HACL1: variants seen among roughly 807,000 people sequenced by gnomAD.
HACL1 encodes 2-hydroxyacyl-CoA lyase 1.
HACL1 carries 64 observed loss-of-function variants against 74.2 expected under a neutral mutation model. The observed-to-expected ratio is 0.86, with a 90% confidence interval of 0.70 to 1.06. HACL1 has a LOEUF of 1.06. Among genes scored for constraint, HACL1 ranks in the 50% least tolerant of loss-of-function variants. The pLI is 0.00. For missense variants in HACL1, 728 were observed against 719.7 expected (o/e 1.01, Z -0.13); for synonymous variants, 230 against 238.8 (o/e 0.96, Z 0.34).
chr3:15,573,343 T>C, intron 10 of HACL1, 101 bp from the exon 11 acceptor site: 3 of 675,004 alleles, frequency 4.4e-6, no homozygotes, highest in South Asian at 1.8e-5. Flanking sequence ...ATAGAACACA[T>C]GATAAAGAAG....
rs529324509 is a variant in HACL1, at chr3:15,571,839, T to C, written c.994-70A>G. 143 of 618,668 alleles carry C rather than the reference T, an allele frequency of 2.3e-4. No individual in the cohort carries two copies. The Admixed American group carries it at 3.3e-3, about 14-fold the overall frequency. The allele number at this position is 618,668 out of a possible 1,614,324, so 38.3% of individuals were successfully genotyped here. ...CTTTGCCTTTTTTTTCTTTTTTTTTTTTTTTTTTTTTTTTTTTTGAGACGA... is the reference window on the plus strand; with the variant it reads ...CTTTGCCTTTTTTTTCTTTTTTTTTCTTTTTTTTTTTTTTTTTTGAGACGA... On this transcript the variant is annotated intron_variant, in intron 11 of 16. Coordinates refer to ENST00000321169, the MANE Select transcript of HACL1 (RefSeq NM_012260.4).
At position 15,591,683 on chromosome 3, in the gene HACL1, A is replaced by G; in HGVS notation, c.228-3T>C. On this transcript the variant is annotated splice_region_variant and splice_polypyrimidine_tract_variant and intron_variant, in intron 3 of 16. Transcript: ENST00000321169. ...AAACAACAAGGCAGACTCCTGGCCT[A>G]AAAGCAAAACAGAATTTATTAAAAT... 1 of 1,601,242 alleles carries G rather than the reference A, an allele frequency of 6.2e-7. No individual in the cohort carries two copies. The highest frequency in any genetic ancestry group is 8.6e-7 in the Non-Finnish European group (1 of 1,169,554).
intron 4 of HACL1, among the ~76,000 whole-genome samples, chr3:15,590,155 C>T (rs1303481215): frequency 1.3e-5 from 2 of 152,064 alleles, no homozygotes; most frequent in Admixed American, 6.6e-5. Flanking sequence ...CCCTTCTTCC[C>T]CTTCCCCTTT....
At chr3:15,571,829 CTTTTTTTTTTTTTTTTTTTTT>C (rs869072841) in intron 11 of HACL1, 60 bp from the exon 12 acceptor site, 2 of 226,186 alleles carry the variant, frequency 8.8e-6, no homozygotes, top group African/African-American at 4.7e-5. Flanking sequence ...CCTTTTTTTT[CTTTTTTTTTTTTTTTTTTTTT>C]TTTTTTTGAG....
intron 16 of HACL1, among the ~76,000 whole-genome samples, chr3:15,561,189 G>GAGAT: frequency 6.6e-6 from 1 of 152,238 alleles, no homozygotes. Flanking sequence ...AAGGAGAAGG[G>GAGAT]AGATGAAGGA....
chr3:15,578,618 A>C (rs892190327), intron 9 of HACL1, among the ~76,000 whole-genome samples: 14 of 152,178 alleles, frequency 9.2e-5, no homozygotes, highest in African/African-American at 3.1e-4. Flanking sequence ...TATGGGGGGA[A>C]ATGTCAGATT....
chr3:15,580,118 G>T, intron 8 of HACL1, 73 bp from the exon 9 acceptor site: 2 of 1,223,976 alleles, frequency 1.6e-6, no homozygotes, highest in Non-Finnish European at 1.2e-6. Context: ...AAGTTCATGT[G>T]AAATTGCTTT....
chr3:15,565,151 C>T (rs1488402886), intron 14 of HACL1, among the ~76,000 whole-genome samples: 1 of 148,750 alleles, frequency 6.7e-6, no homozygotes, highest in Non-Finnish European at 1.5e-5. Context: ...GGTAACAGAG[C>T]AAGACTCCAT....
chr3:15,578,321 A>C (rs2063661320), intron 9 of HACL1, among the ~76,000 whole-genome samples: 1 of 152,112 alleles, frequency 6.6e-6, no homozygotes, highest in Non-Finnish European at 1.5e-5. Flanking sequence ...AGAATATTTC[A>C]TAATAAAGAC....
At chr3:15,592,479 C>CATACACTTGTATACATATACACTTGTAT (rs2063949250) in intron 3 of HACL1, among the ~76,000 whole-genome samples, 1 of 10,654 alleles carries the variant, frequency 9.4e-5, no homozygotes, top group Admixed American at 8.7e-4. Flanking sequence ...CACACGTATA[C>CATACACTTGTATACATATACACTTGTAT]ATACACTTGT....
At chr3:15,564,529 G>T in intron 15 of HACL1, 22 bp downstream of exon 15, 1 of 973,104 alleles carries the variant, frequency 1.0e-6, no homozygotes, top group South Asian at 1.4e-5. Context: ...AAAGTAAACA[G>T]ACATTGGTCT....
intron 9 of HACL1, among the ~76,000 whole-genome samples, chr3:15,578,724 A>G (rs1256102360): frequency 6.6e-6 from 1 of 152,134 alleles, no homozygotes; most frequent in Non-Finnish European, 1.5e-5. Context: ...AAATTCCAAG[A>G]GAAACGTCAT....
chr3:15,579,769 G>T, intron 9 of HACL1, 141 bp downstream of exon 9: 2 of 630,580 alleles, frequency 3.2e-6, no homozygotes. Context: ...ATGAAAGCCA[G>T]AAGATAGTCC....
At chr3:15,597,825 C>T (rs2064096734) in intron 2 of HACL1, among the ~76,000 whole-genome samples, 1 of 151,922 alleles carries the variant, frequency 6.6e-6, no homozygotes, top group South Asian at 2.1e-4. Flanking sequence ...GAAATGCAGG[C>T]ATGTAAATAC....
chr3:15,574,902 C>T, intron 10 of HACL1, 75 bp downstream of exon 10: 2 of 660,528 alleles, frequency 3.0e-6, no homozygotes, highest in East Asian at 2.6e-5. Context: ...AAGAAGATAA[C>T]AGAGCTGATT....
At chr3:15,599,959 G>A (rs914563308) in intron 2 of HACL1, among the ~76,000 whole-genome samples, 2 of 152,088 alleles carry the variant, frequency 1.3e-5, no homozygotes, top group Non-Finnish European at 2.9e-5. Flanking sequence ...TTTTCACACA[G>A]ATGAAAGAAC....
chr3:15,593,372 C>G (rs747589895), intron 3 of HACL1, among the ~76,000 whole-genome samples: 3 of 151,968 alleles, frequency 2.0e-5, no homozygotes, highest in Admixed American at 6.6e-5. Context: ...TGCCACCACA[C>G]CCGGCTAATT....
rs745584676 is a variant in HACL1, at chr3:15,564,648, G to C, written c.1420C>G (p.Pro474Ala). Residue 474 changes from proline (P) to alanine (A), a missense_variant, in exon 15 of 17, where the codon CCA becomes GCA. By Grantham distance (27) the Pro-to-Ala change is conservative. Transcript: ENST00000321169. ...TTATTCACTACCAACAGTATGATTG[G>C]CAAGTTGTACCTAAAGTGAGAGTAA... Reference protein sequence around the residue: ...EVETICRYNLPIILLVVNNNG... With the variant: ...EVETICRYNLAIILLVVNNNG... The C allele has an allele frequency of 1.4e-6, 2 of 1,448,168 alleles. No individual in the cohort carries two copies. The highest frequency in any genetic ancestry group is 2.4e-5 in the South Asian group (2 of 84,826). 89.7% of individuals were successfully genotyped at this position (1,448,168 alleles called of 1,614,324 possible). A position where few individuals can be genotyped will look rare whatever the true frequency, so the allele number is the denominator to read the frequency against.
chr3:15,592,629 C>T (rs1396334060), intron 3 of HACL1, among the ~76,000 whole-genome samples: 5 of 39,334 alleles, frequency 1.3e-4, no homozygotes, highest in African/African-American at 4.5e-4. Context: ...TACACATGTA[C>T]GCACATGTGT....
Sources: gnomAD v4.1 joint callset for allele counts (sites outside exome capture counted in the v4.1 genomes callset) on GRCh38, gnomAD v4.1.1 for gene constraint, MANE v1.5 for transcripts, NCBI Gene and HGNC (gene_info 2026-07-23, HGNC 2026-07-21) for gene names.